Variants in ZMYND11 observed in about 807,000 individuals in gnomAD.
ZMYND11 encodes the protein zinc finger MYND domain-containing protein 11.
In ZMYND11, 9 loss-of-function variants were observed where a neutral mutation model predicts 84.9. The observed-to-expected ratio is 0.11, with a 90% confidence interval of 0.06 to 0.18. The LOEUF is 0.18. Ranked by LOEUF, ZMYND11 falls within the 10% of genes least tolerant of loss-of-function variation. ZMYND11 has a pLI of 1.00. For synonymous variants in ZMYND11, 250 were observed against 244.1 expected (o/e 1.02, Z -0.23); for missense variants, 409 against 761.0 (o/e 0.54, Z 5.44).
intron 1 of ZMYND11, among the ~76,000 whole-genome samples, chr10:176,942 T>C (rs1846764366): frequency 6.6e-6 from 1 of 152,192 alleles, no homozygotes; most frequent in Admixed American, 6.5e-5. Flanking sequence ...TAAGATTTGG[T>C]TTGGCCATAT....
chr10:138,494 C>T (rs1836695614), intron 1 of ZMYND11, among the ~76,000 whole-genome samples: 1 of 152,150 alleles, frequency 6.6e-6, no homozygotes, highest in Admixed American at 6.5e-5. Context: ...CCTTCGGTAA[C>T]CCTCTGAGTT....
intron 4 of ZMYND11, among the ~76,000 whole-genome samples, chr10:235,688 G>C (rs545081286): frequency 4.1e-4 from 62 of 152,302 alleles, no homozygotes; most frequent in African/African-American, 1.3e-3. Flanking sequence ...GGCGTAAACG[G>C]AGCAGCTGTG....
At chr10:145,232 A>G (rs1179708505) in intron 1 of ZMYND11, among the ~76,000 whole-genome samples, 1 of 150,900 alleles carries the variant, frequency 6.6e-6, no homozygotes, top group Non-Finnish European at 1.5e-5. Flanking sequence ...GTGTGTATAT[A>G]TATGTGTGTG....
chr10:149,360 G>A (rs1839760515), intron 1 of ZMYND11, among the ~76,000 whole-genome samples: 1 of 150,882 alleles, frequency 6.6e-6, no homozygotes, highest in Non-Finnish European at 1.5e-5. Flanking sequence ...GCCCAGGCTG[G>A]AGTGCAGTGG....
intron 3 of ZMYND11, chr10:218,578 C>A: frequency 3.9e-6 from 1 of 255,688 alleles, no homozygotes; most frequent in Non-Finnish European, 8.4e-6. Context: ...TTACCTTAGG[C>A]TAGCTTAGTT....
chr10:229,007 A>G (rs771273955), intron 4 of ZMYND11, among the ~76,000 whole-genome samples: 14 of 152,076 alleles, frequency 9.2e-5, no homozygotes, highest in Non-Finnish European at 1.8e-4. Flanking sequence ...TTTTTCTATC[A>G]CGGTTTGTTT....
At chr10:242,315 T>A (rs988235857) in intron 10 of ZMYND11, among the ~76,000 whole-genome samples, 176 bp downstream of exon 10, 7 of 152,204 alleles carry the variant, frequency 4.6e-5, no homozygotes, top group African/African-American at 1.7e-4. Context: ...TTTCAGATAT[T>A]GTGTACTAAA....
intron 2 of ZMYND11, among the ~76,000 whole-genome samples, chr10:188,211 T>C (rs1007207914): frequency 2.6e-5 from 4 of 152,162 alleles, no homozygotes; most frequent in Non-Finnish European, 5.9e-5. Flanking sequence ...TTTTACACAT[T>C]ATAAATCAAG....
At chr10:178,619 C>T (rs137861626) in intron 1 of ZMYND11, among the ~76,000 whole-genome samples, 1 of 152,146 alleles carries the variant, frequency 6.6e-6, no homozygotes, top group African/African-American at 2.4e-5. Context: ...TAAATTTATA[C>T]AGAACTAACT....
intron 1 of ZMYND11, among the ~76,000 whole-genome samples, chr10:137,437 ATAATT>A (rs782227688): frequency 1.3e-5 from 2 of 152,338 alleles, no homozygotes; most frequent in Non-Finnish European, 2.9e-5. Context: ...ATTCTTAAAA[ATAATT>A]TAATCTGTTT....
At chr10:157,590 G>C (rs896516545) in intron 1 of ZMYND11, among the ~76,000 whole-genome samples, 2 of 152,162 alleles carry the variant, frequency 1.3e-5, no homozygotes, top group African/African-American at 2.4e-5. Context: ...AGGTCTCGAG[G>C]AAAGGAAGGG....
At chr10:184,560 T>G (rs911540113) in intron 2 of ZMYND11, among the ~76,000 whole-genome samples, 4 of 152,190 alleles carry the variant, frequency 2.6e-5, no homozygotes, top group Admixed American at 6.5e-5. Flanking sequence ...ATTCTGACTT[T>G]TTCTTCTGAT....
Position 209,746 on chromosome 10 carries a change from G to A in ZMYND11, c.117-143G>A, listed in dbSNP as rs375120939. 7,861 of 638,494 alleles carry A rather than the reference G, an allele frequency of 0.012. 319 individuals carry two copies. In the African/African-American group the frequency reaches 0.15, roughly 12 times the overall value. 39.6% of individuals were successfully genotyped at this position (638,494 alleles called of 1,614,324 possible). ...CCTTTCTTTTCTGTTTATCGTGTTC[G>A]TTCTTTATCTTGTTCTTTATCTCAA... On this transcript the variant is annotated intron_variant, in intron 2 of 14. Transcript: ENST00000381604.
intron 1 of ZMYND11, among the ~76,000 whole-genome samples, chr10:165,960 A>C (rs544581938): frequency 8.5e-5 from 13 of 152,260 alleles, no homozygotes; most frequent in Admixed American, 1.3e-4. Flanking sequence ...CCATACATCT[A>C]TGGCTGTTGA....
At position 227,761 on chromosome 10, in the gene ZMYND11, C is replaced by G. The variant is rs186216182; in HGVS notation, c.438+6405C>G. On this transcript the variant is annotated intron_variant, in intron 4 of 14. Coordinates refer to ENST00000381604, the MANE Select transcript of ZMYND11 (RefSeq NM_001370100.5). ...TCCTTATGTATCTATGAAGCTATAA[C>G]TGCTCTTGCTTTCTGATCAGGCATA... 3.9e-5 allele frequency among the ~76,000 whole-genome samples: 6 copies of G among 152,258 alleles called. No homozygotes were observed. In the South Asian group the frequency reaches 6.2e-4, roughly 16 times the overall value.
At position 136,193 on chromosome 10, in the gene ZMYND11, C is replaced by T. The variant is rs566037868; in HGVS notation, c.-20+634C>T. Among the ~76,000 whole-genome samples, 391 of 152,250 alleles carry T rather than the reference C, an allele frequency of 2.6e-3. 3 individuals carry two copies. The highest frequency in any genetic ancestry group is 9.0e-3 in the African/African-American group (375 of 41,580). On this transcript the variant is annotated intron_variant, in intron 1 of 14. Transcript: ENST00000381604. ...TCCTGTGGGGTCCGCCGCCCTCCTC[C>T]CACCCAGAGCTCCGGGGAGAAGCTG...
At chr10:175,319 G>A (rs922543584) in intron 1 of ZMYND11, among the ~76,000 whole-genome samples, 1 of 152,188 alleles carries the variant, frequency 6.6e-6, no homozygotes, top group Non-Finnish European at 1.5e-5. Context: ...ATTCTCCCCA[G>A]CACTTTGCGA....
chr10:236,994 C>G, intron 5 of ZMYND11, 79 bp downstream of exon 5: 1 of 1,348,020 alleles, frequency 7.4e-7, no homozygotes, highest in East Asian at 2.4e-5. Context: ...GTTGAATGAT[C>G]GAGAAGTAAC....
intron 4 of ZMYND11, among the ~76,000 whole-genome samples, chr10:233,913 CACAT>C (rs1949450757): frequency 6.6e-6 from 1 of 152,192 alleles, no homozygotes; most frequent in African/African-American, 2.4e-5. Flanking sequence ...AATATTTAAA[CACAT>C]AGAACCAAGT....
Sources: allele counts gnomAD v4.1 joint callset (sites outside exome capture counted in the v4.1 genomes callset), GRCh38; gene constraint gnomAD v4.1.1; transcripts MANE v1.5; gene names NCBI Gene and HGNC (gene_info 2026-07-23, HGNC 2026-07-21).